The following SLC9A1 variants were observed in gnomAD, a reference collection of about 807,000 sequenced individuals.
SLC9A1 encodes sodium/hydrogen exchanger 1.
A neutral mutation model predicts 67.9 loss-of-function variants in SLC9A1; 22 were observed. That is an observed-to-expected ratio of 0.32 (90% CI 0.23 to 0.46). The LOEUF is 0.46. SLC9A1 is among the 20% of genes least tolerant of loss of function. The pLI is 1.00. For missense variants in SLC9A1, 686 were observed against 1,094.8 expected, an observed-to-expected ratio of 0.63 and a Z score of 5.27; for synonymous variants, 421 against 471.8, an observed-to-expected ratio of 0.89 and a Z score of 1.40.
At chr1:27,150,497 G>A (rs2083519275) in intron 1 of SLC9A1, among the ~76,000 whole-genome samples, 1 of 152,144 alleles carries the variant, frequency 6.6e-6, no homozygotes, top group Non-Finnish European at 1.5e-5. Flanking sequence ...GGTGAACATG[G>A]AACAAAGCAG....
chr1:27,109,486 C>A lies in SLC9A1; in HGVS notation c.1064+41G>T, dbSNP rs2124146072. 3 of 1,601,976 alleles carry A rather than the reference C, an allele frequency of 1.9e-6. No individual in the cohort carries two copies. The highest frequency in any genetic ancestry group is 8.5e-7 in the Non-Finnish European group (1 of 1,175,842). Reference sequence around the variant, plus strand: ...GGAATCCAAGCTGGCAGCCCCCGCCCCCACCCCGCCAAGCCCACTGCCTGC... The same window carrying A: ...GGAATCCAAGCTGGCAGCCCCCGCCACCACCCCGCCAAGCCCACTGCCTGC... On this transcript the variant is annotated intron_variant, in intron 3 of 11. Transcript: ENST00000263980. The surrounding 1 kb of genome is among the most constrained non-coding windows in gnomAD (Gnocchi z 5.5).
Position 27,109,441 on chromosome 1 carries a change from C to T in SLC9A1, c.1064+86G>A. 2 of 1,448,144 alleles carry T rather than the reference C, an allele frequency of 1.4e-6. No individual in the cohort carries two copies. Among genetic ancestry groups the T allele is most frequent in the Admixed American group, 1.7e-5 (1 of 58,668 alleles). The allele number at this position is 1,448,144 out of a possible 1,614,324, so 89.7% of individuals were successfully genotyped here. On this transcript the variant is annotated intron_variant, in intron 3 of 11. Transcript: ENST00000263980. This position sits in a 1 kb window ranked among gnomAD's most constrained non-coding sequence, Gnocchi z 5.5. ...AGCTCAAGGCTGGGCCCTGGGAGCTCCGTGAACCTACGAGCCTGGGGAATC... is the reference window on the plus strand; with the variant it reads ...AGCTCAAGGCTGGGCCCTGGGAGCTTCGTGAACCTACGAGCCTGGGGAATC...
chr1:27,140,787 G>A (rs1292122694), intron 1 of SLC9A1, among the ~76,000 whole-genome samples: 1 of 152,172 alleles, frequency 6.6e-6, no homozygotes, highest in East Asian at 1.9e-4. Context: ...GATCAGTCTT[G>A]CTACTCCAGC....
chr1:27,127,445 C>A (rs1009131854), intron 1 of SLC9A1, among the ~76,000 whole-genome samples: 1 of 152,206 alleles, frequency 6.6e-6, no homozygotes, highest in African/African-American at 2.4e-5. Context: ...TGAGAGAGGT[C>A]CAGACACAGG....
At chr1:27,136,089 C>T (rs2083418946) in intron 1 of SLC9A1, among the ~76,000 whole-genome samples, 1 of 152,232 alleles carries the variant, frequency 6.6e-6, no homozygotes, top group African/African-American at 2.4e-5. Context: ...TGAATCTCCA[C>T]CTGCAGAGCC....
At chr1:27,136,954 C>T (rs766419418) in intron 1 of SLC9A1, among the ~76,000 whole-genome samples, 2 of 152,224 alleles carry the variant, frequency 1.3e-5, no homozygotes, top group Non-Finnish European at 2.9e-5. Context: ...GCATTGAATC[C>T]AAGGCCCTCT....
intron 1 of SLC9A1, among the ~76,000 whole-genome samples, chr1:27,127,613 G>A (rs1351730628): frequency 6.6e-6 from 1 of 152,212 alleles, no homozygotes; most frequent in Non-Finnish European, 1.5e-5. Flanking sequence ...CCACTGGAGG[G>A]CTCTGGCCTG....
chr1:27,101,872 T>C lies in SLC9A1; in HGVS notation c.1936-46A>G. The C allele has an allele frequency of 6.6e-7, 1 of 1,517,408 alleles. No individual in the cohort carries two copies. The allele number at this position is 1,517,408 out of a possible 1,614,324, so 94.0% of individuals were successfully genotyped here. A position where few individuals can be genotyped will look rare whatever the true frequency, so the allele number is the denominator to read the frequency against. ...GGGCAGTGCGGGCCCCGGAAGGCTC[T>C]GCTCATGGAGGGGTGGGGGCAGTGC... On this transcript the variant is annotated intron_variant, in intron 9 of 11. Coordinates refer to ENST00000263980, the MANE Select transcript of SLC9A1 (RefSeq NM_003047.5). This position sits in a 1 kb window ranked among gnomAD's most constrained non-coding sequence, Gnocchi z 4.9.
At chr1:27,103,740 C>T (rs1188568710) in intron 5 of SLC9A1, 16 of 217,370 alleles carry the variant, frequency 7.4e-5, no homozygotes, top group Non-Finnish European at 1.2e-4. Context: ...TGCACACCTG[C>T]CATGTGACCA....
At chr1:27,105,486 C>T (rs749820043) in intron 5 of SLC9A1, 31 of 543,224 alleles carry the variant, frequency 5.7e-5, no homozygotes, top group African/African-American at 9.5e-5. Context: ...TTAGTAGAGA[C>T]GGGGTTTCAC....
At chr1:27,146,206 G>A (rs921448706) in intron 1 of SLC9A1, among the ~76,000 whole-genome samples, 1 of 152,170 alleles carries the variant, frequency 6.6e-6, no homozygotes, top group Admixed American at 6.5e-5. Context: ...GAGGAAAGGG[G>A]GCAGGTGGGA....
chr1:27,147,299 C>CAAAAAAAAAAAAAA (rs57583944), intron 1 of SLC9A1, among the ~76,000 whole-genome samples: 21 of 43,910 alleles, frequency 4.8e-4, no homozygotes, highest in South Asian at 1.1e-3. Flanking sequence ...GACTCTGTCT[C>CAAAAAAAAAAAAAA]AAAAAAAAAA....
intron 4 of SLC9A1, 80 bp downstream of exon 4, chr1:27,107,568 C>T (rs993970703): frequency 1.0e-5 from 11 of 1,081,872 alleles, no homozygotes; most frequent in African/African-American, 7.8e-5. Flanking sequence ...GCACACACCA[C>T]ACACACAGCA....
intron 1 of SLC9A1, among the ~76,000 whole-genome samples, chr1:27,119,152 C>A (rs985684114): frequency 6.6e-6 from 1 of 152,096 alleles, no homozygotes; most frequent in South Asian, 2.1e-4. Context: ...TGCGGCTGCT[C>A]TGCACCACAA....
At chr1:27,142,556 GT>G (rs2083459101) in intron 1 of SLC9A1, among the ~76,000 whole-genome samples, 1 of 152,126 alleles carries the variant, frequency 6.6e-6, no homozygotes, top group Non-Finnish European at 1.5e-5. Flanking sequence ...TTTCTCTTGC[GT>G]CTGCTGCCTC....
Position 27,118,949 on chromosome 1 carries a change from T to G in SLC9A1, c.353-4663A>C, listed in dbSNP as rs2083288863. On this transcript the variant is annotated intron_variant, in intron 1 of 11. Transcript: ENST00000263980. The surrounding 1 kb of genome is among the most constrained non-coding windows in gnomAD (Gnocchi z 4.3). Reference sequence around the variant, plus strand: ...AAGCACAGCCACAGGCCAAACCCTCTGACACAGTTCAGAGTTGGCGCTCCT... The same window carrying G: ...AAGCACAGCCACAGGCCAAACCCTCGGACACAGTTCAGAGTTGGCGCTCCT... Among the ~76,000 whole-genome samples the G allele has an allele frequency of 6.6e-6, 1 of 151,790 alleles. No homozygotes were observed. Among genetic ancestry groups the G allele is most frequent in the African/African-American group, 2.4e-5 (1 of 41,296 alleles).
chr1:27,110,311 C>G (rs1174420228), intron 2 of SLC9A1, among the ~76,000 whole-genome samples: 1 of 152,150 alleles, frequency 6.6e-6, no homozygotes, highest in African/African-American at 2.4e-5. Flanking sequence ...AAAAAAGGGA[C>G]GTTCACACAA....
chr1:27,116,512 G>A (rs2083273430), intron 1 of SLC9A1, among the ~76,000 whole-genome samples: 1 of 152,216 alleles, frequency 6.6e-6, no homozygotes, highest in Admixed American at 6.5e-5. Context: ...AGAGGACCTC[G>A]AAGGCACCAT....
intron 1 of SLC9A1, among the ~76,000 whole-genome samples, chr1:27,115,609 T>C (rs1389386522): frequency 2.0e-5 from 3 of 151,740 alleles, no homozygotes; most frequent in Non-Finnish European, 4.4e-5. Context: ...GGCCAATAAT[T>C]TGACACCAGC....
Sources: gnomAD v4.1 joint callset for allele counts (sites outside exome capture counted in the v4.1 genomes callset) on GRCh38, gnomAD v4.1.1 for gene constraint, Gnocchi (gnomAD v3.1) non-coding constraint, MANE v1.5 for transcripts, NCBI Gene and HGNC (gene_info 2026-07-23, HGNC 2026-07-21) for gene names.